DPYD: variants seen among roughly 807,000 people sequenced by gnomAD.
DPYD encodes dihydropyrimidine dehydrogenase.
In DPYD, 109 loss-of-function variants were observed where a neutral mutation model predicts 116.2. The ratio of observed to expected loss-of-function variants is 0.94; its 90% CI spans 0.80 to 1.10. DPYD has a LOEUF of 1.10. Among genes scored for constraint, DPYD ranks in the 50% least tolerant of loss-of-function variants. The pLI is 0.00. For missense variants in DPYD, 1,302 were observed against 1,254.5 expected (o/e 1.04, Z -0.57); for synonymous variants, 440 against 432.0 (o/e 1.02, Z -0.23).
chr1:97,392,846 C>A (rs1292070815), intron 14 of DPYD, among the ~76,000 whole-genome samples: 11 of 152,006 alleles, frequency 7.2e-5, no homozygotes, highest in Admixed American at 6.6e-4. Context: ...GTAGTGACTT[C>A]CTCCACTGAA....
intron 21 of DPYD, among the ~76,000 whole-genome samples, chr1:97,093,148 A>G (rs1055579031): frequency 2.0e-5 from 3 of 152,166 alleles, no homozygotes; most frequent in Admixed American, 2.0e-4. Context: ...TATGTAGCTC[A>G]TATCAAAAAA....
chr1:97,887,636 T>C (rs1672573130), intron 1 of DPYD, among the ~76,000 whole-genome samples: 1 of 151,800 alleles, frequency 6.6e-6, no homozygotes, highest in Admixed American at 6.6e-5. Context: ...GTGTGATCCA[T>C]ACAGACACAC....
At chr1:97,471,392 A>T (rs975572615) in intron 13 of DPYD, among the ~76,000 whole-genome samples, 2 of 152,152 alleles carry the variant, frequency 1.3e-5, no homozygotes, top group Admixed American at 6.5e-5. Flanking sequence ...GTTGTGATGG[A>T]CCAGAGCAAT....
chr1:97,801,871 G>T (rs17379095), intron 3 of DPYD, among the ~76,000 whole-genome samples: 23,788 of 151,622 alleles, frequency 0.16, 2,192 homozygotes, highest in Non-Finnish European at 0.21. Flanking sequence ...TGTCTCAATT[G>T]TTTAATTTAA....
chr1:97,658,582 T>A (rs983114300), intron 8 of DPYD, among the ~76,000 whole-genome samples: 2 of 152,200 alleles, frequency 1.3e-5, no homozygotes, highest in Admixed American at 1.3e-4. Flanking sequence ...GAATTTAGAC[T>A]TAAATAATAA....
chr1:97,889,574 C>A (rs1473344879), intron 1 of DPYD, among the ~76,000 whole-genome samples: 1 of 151,954 alleles, frequency 6.6e-6, no homozygotes, highest in Non-Finnish European at 1.5e-5. Context: ...GAAAATATAA[C>A]AATTATAAAC....
chr1:97,910,530 G>C (rs1367995516), intron 1 of DPYD, among the ~76,000 whole-genome samples: 6 of 152,030 alleles, frequency 3.9e-5, no homozygotes, highest in Non-Finnish European at 8.8e-5. Flanking sequence ...TGTAATGTAA[G>C]TATGATTTCT....
intron 14 of DPYD, among the ~76,000 whole-genome samples, chr1:97,412,220 C>T (rs1046898375): frequency 6.6e-6 from 1 of 152,128 alleles, no homozygotes; most frequent in Non-Finnish European, 1.5e-5. Context: ...CTCTGAAGGA[C>T]GTTCTCATAG....
rs57918000 is a variant in DPYD at position 97,549,713 on chromosome 1, G to A, written c.1371C>T (p.Asn457=). The part of the protein sequence containing the change: ...VKEALSPIKF[N]RWGLPEVDPE... ...GATCTACTTCTGGGAGACCCCATCT[G>A]TTAAATTTTATAGGGCTCAAGGCTT... The change falls in exon 12 of 23, where the codon AAC becomes AAT. Residue 457 remains asparagine, a synonymous_variant. Transcript: ENST00000370192. 1.3e-3 allele frequency: 2,113 copies of A among 1,613,704 alleles called. 25 individuals carry two copies. The African/African-American group carries it at 0.024, about 19-fold the overall frequency.
At chr1:97,263,139 C>G (rs1233777699) in intron 18 of DPYD, among the ~76,000 whole-genome samples, 3 of 152,072 alleles carry the variant, frequency 2.0e-5, no homozygotes, top group Non-Finnish European at 4.4e-5. Context: ...AATACTATAG[C>G]AGGATTTGTG....
intron 10 of DPYD, among the ~76,000 whole-genome samples, chr1:97,576,651 C>A (rs971016069): frequency 9.2e-5 from 14 of 152,072 alleles, no homozygotes; most frequent in South Asian, 2.1e-4. Context: ...TTTTTGAGGA[C>A]CTTGTATAAC....
rs1365931155 is a variant in DPYD at position 97,177,093 on chromosome 1, CAATTATCACACTATATTATTAATA to C, written c.2622+15952_2622+15975del. Among the ~76,000 whole-genome samples the C allele has an allele frequency of 2.6e-5, 4 of 152,040 alleles. No individual in the cohort carries two copies. The East Asian group carries it at 7.7e-4, about 29-fold the overall frequency. On this transcript the variant is annotated intron_variant, in intron 20 of 22. Transcript: ENST00000370192. ...TTGTCTGTGTATATCTCTATAATTG[CAATTATCACACTATATTATTAATA>C]ACTGTTTAAGCGTTCTATTTCCACA...
At chr1:97,526,259 A>C (rs1649080969) in intron 12 of DPYD, among the ~76,000 whole-genome samples, 1 of 152,090 alleles carries the variant, frequency 6.6e-6, no homozygotes, top group Non-Finnish European at 1.5e-5. Flanking sequence ...TTCTCGAGGA[A>C]AGTAAGAAGA....
At chr1:97,815,365 T>A (rs181021528) in intron 3 of DPYD, among the ~76,000 whole-genome samples, 4 of 152,336 alleles carry the variant, frequency 2.6e-5, no homozygotes, top group African/African-American at 9.6e-5. Flanking sequence ...ATTCCAATTT[T>A]ATGTCCTATA....
chr1:97,350,301 A>T (rs1376165077), intron 16 of DPYD, among the ~76,000 whole-genome samples: 2 of 152,218 alleles, frequency 1.3e-5, no homozygotes, highest in East Asian at 3.8e-4. Context: ...TTATTTAAAC[A>T]GTTTTCTAAT....
chr1:97,845,299 CACTT>C (rs1204345991), intron 2 of DPYD, among the ~76,000 whole-genome samples: 1 of 152,162 alleles, frequency 6.6e-6, no homozygotes, highest in African/African-American at 2.4e-5. Context: ...AATCAGCACA[CACTT>C]ACTCCCTTCT....
intron 14 of DPYD, among the ~76,000 whole-genome samples, chr1:97,432,045 T>C (rs1675206329): frequency 6.6e-6 from 1 of 152,156 alleles, no homozygotes; most frequent in Admixed American, 6.6e-5. Flanking sequence ...AGAATTTCAT[T>C]CTTTCTACGG....
At chr1:97,123,867 T>C (rs1051043699) in intron 20 of DPYD, among the ~76,000 whole-genome samples, 4 of 152,120 alleles carry the variant, frequency 2.6e-5, no homozygotes, top group African/African-American at 9.7e-5. Flanking sequence ...TATTGAGTTA[T>C]CAGAGGACTG....
intron 20 of DPYD, among the ~76,000 whole-genome samples, chr1:97,178,942 C>T (rs1239058546): frequency 1.3e-5 from 2 of 152,136 alleles, no homozygotes; most frequent in Admixed American, 6.6e-5. Flanking sequence ...CAGTGTTCAT[C>T]GTGGCAGAGA....
Sources: allele counts gnomAD v4.1 joint callset (sites outside exome capture counted in the v4.1 genomes callset), GRCh38; gene constraint gnomAD v4.1.1; transcripts MANE v1.5; gene names NCBI Gene and HGNC (gene_info 2026-07-23, HGNC 2026-07-21).